SASH1: variants seen among roughly 807,000 people sequenced by gnomAD.
The protein encoded by SASH1 is SAM and SH3 domain containing 1.
SASH1 carries 44 observed loss-of-function variants against 125.2 expected under a neutral mutation model. The observed-to-expected ratio is 0.35, with a 90% CI of 0.28 to 0.45. The LOEUF is 0.45. Ranked by LOEUF, SASH1 falls within the 20% of genes least tolerant of loss-of-function variation. SASH1 has a pLI of 1.00. For synonymous variants in SASH1, 639 were observed against 649.1 expected, an observed-to-expected ratio of 0.98 and a Z score of 0.24; for missense variants, 1,426 against 1,614.5, an observed-to-expected ratio of 0.88 and a Z score of 2.00.
chr6:148,514,458 TAAAAAAAAAAA>T lies in SASH1; in HGVS notation c.862+20_862+30del, dbSNP rs10710533. ...AAATGAAAAAACCCAGCACTGAAGG[TAAAAAAAAAAA>T]AAAAAAAAAAAAAAAAAGGCAGACT... On this transcript the variant is annotated splice_donor_5th_base_variant and intron_variant, in intron 9 of 19. Coordinates refer to ENST00000367467, the MANE Select transcript of SASH1 (RefSeq NM_015278.5). 1.8e-3 allele frequency: 1,046 copies of T among 572,958 alleles called. 2 individuals are homozygous for T. Among genetic ancestry groups the T allele is most frequent in the South Asian group, 2.9e-3 (66 of 22,498 alleles). 35.5% of individuals were successfully genotyped at this position (572,958 alleles called of 1,614,324 possible).
chr6:148,497,154 A>G (rs1241417655), intron 8 of SASH1, among the ~76,000 whole-genome samples: 7 of 152,226 alleles, frequency 4.6e-5, no homozygotes, highest in African/African-American at 1.4e-4. Context: ...TCTACAGCTT[A>G]GGGTGAGACT....
chr6:148,332,213 T>C lies in SASH1; in HGVS notation n.75-57921T>C, dbSNP rs147596232. Among the ~76,000 whole-genome samples, 735 of 151,528 alleles carry C rather than the reference T, an allele frequency of 4.9e-3. 5 individuals are homozygous for C. Among genetic ancestry groups the C allele is most frequent in the African/African-American group, 0.017 (706 of 41,296 alleles). ...CATTTGTGGGGGAAAAAAAAAATGG[T>C]GTGGATTTGTGATGGGGAAAATGTT... On this transcript the variant is annotated intron_variant and non_coding_transcript_variant, in intron 1 of 3. Transcript: ENST00000367469.
the SASH1 span, among the ~76,000 whole-genome samples, chr6:148,208,272 C>A: frequency 6.6e-6 from 1 of 152,190 alleles, no homozygotes; most frequent in Non-Finnish European, 1.5e-5. Context: ...CAGTGCGATG[C>A]TAAGGGAAGT....
chr6:148,334,427 CAAAAAAA>C (rs1162225428), intron 1 of SASH1, among the ~76,000 whole-genome samples: 3 of 63,684 alleles, frequency 4.7e-5, no homozygotes, highest in African/African-American at 1.3e-4. Flanking sequence ...GACTCCGTCT[CAAAAAAA>C]AAAAAAAAAA....
At chr6:148,372,935 C>G (rs982139100) in intron 1 of SASH1, among the ~76,000 whole-genome samples, 5 of 152,156 alleles carry the variant, frequency 3.3e-5, no homozygotes, top group African/African-American at 1.2e-4. Flanking sequence ...TGGCTCACTC[C>G]TGTAATCCCA....
At chr6:148,349,847 T>C (rs1262115381) in intron 1 of SASH1, among the ~76,000 whole-genome samples, 2 of 139,710 alleles carry the variant, frequency 1.4e-5, no homozygotes, top group Non-Finnish European at 3.0e-5. Context: ...ATTTTCTTTT[T>C]TTCTTTTTTT....
At chr6:148,547,515 G>A (rs1263400769) in intron 19 of SASH1, among the ~76,000 whole-genome samples, 1 of 152,188 alleles carries the variant, frequency 6.6e-6, no homozygotes, top group African/African-American at 2.4e-5. Flanking sequence ...AAGTATTCTA[G>A]TAGGTCAGTG....
At chr6:148,253,154 A>G in the SASH1 span, among the ~76,000 whole-genome samples, 1 of 152,238 alleles carries the variant, frequency 6.6e-6, no homozygotes, top group Non-Finnish European at 1.5e-5. Flanking sequence ...GAGCAAAGCT[A>G]GAGGACTTTC....
intron 1 of SASH1, among the ~76,000 whole-genome samples, chr6:148,367,076 A>G (rs1782491809): frequency 6.9e-6 from 1 of 144,020 alleles, no homozygotes; most frequent in Non-Finnish European, 1.5e-5. Context: ...GGCGCCTGCC[A>G]CCATACCTGG....
intron 8 of SASH1, among the ~76,000 whole-genome samples, chr6:148,510,457 A>ACTTT (rs1780049590): frequency 6.6e-6 from 1 of 152,178 alleles, no homozygotes; most frequent in East Asian, 1.9e-4. Context: ...ATGTGTGTGA[A>ACTTT]TATATACTTT....
rs377291498 is a variant in SASH1 at position 148,417,522 on chromosome 6, T to C, written c.286-22662T>C. ...ATCGCTTGAACCTAGGAGGCAGAGG[T>C]TGCAGTGAGCCAAGATTGTGCCACT... On this transcript the variant is annotated intron_variant, in intron 2 of 19. Transcript: ENST00000367467. 7.2e-5 allele frequency among the ~76,000 whole-genome samples: 11 copies of C among 151,986 alleles called. No homozygotes were observed. The East Asian group carries it at 1.9e-3, about 27-fold the overall frequency.
intron 1 of SASH1, among the ~76,000 whole-genome samples, chr6:148,280,688 G>A (rs1779314430): frequency 6.6e-6 from 1 of 152,080 alleles, no homozygotes; most frequent in East Asian, 1.9e-4. Flanking sequence ...CATGCCTATA[G>A]TCCCAGCTAC....
chr6:148,431,596 G>T (rs752797244), intron 2 of SASH1, among the ~76,000 whole-genome samples: 1 of 151,954 alleles, frequency 6.6e-6, no homozygotes, highest in Non-Finnish European at 1.5e-5. Context: ...TCCTGGCAAG[G>T]GTGAGAATGT....
intron 2 of SASH1, among the ~76,000 whole-genome samples, chr6:148,433,401 T>G (rs1469912816): frequency 1.5e-5 from 2 of 133,954 alleles, no homozygotes; most frequent in Non-Finnish European, 3.0e-5. Context: ...TTTTGTTTCT[T>G]TTTTCTTTTT....
chr6:148,445,975 A>T lies in SASH1; in HGVS notation c.386+5568A>T, dbSNP rs1205136065. Among the ~76,000 whole-genome samples, 4 of 152,134 alleles carry T rather than the reference A, an allele frequency of 2.6e-5. No homozygotes were observed. The East Asian group carries it at 7.7e-4, about 29-fold the overall frequency. On this transcript the variant is annotated intron_variant, in intron 4 of 19. Transcript: ENST00000367467. Reference sequence around the variant, plus strand: ...TAAAGTCATGGTATGGAGAAAAATAAAGCAAAGAAAGGGGACCCAGAATTG... The same window carrying T: ...TAAAGTCATGGTATGGAGAAAAATATAGCAAAGAAAGGGGACCCAGAATTG...
At chr6:148,445,034 A>G (rs1456758730) in intron 4 of SASH1, among the ~76,000 whole-genome samples, 1 of 152,180 alleles carries the variant, frequency 6.6e-6, no homozygotes, top group Non-Finnish European at 1.5e-5. Context: ...GTAAACTGTC[A>G]TGGTGCTGCT....
chr6:148,331,078 C>T (rs931139285), intron 1 of SASH1, among the ~76,000 whole-genome samples: 2 of 152,098 alleles, frequency 1.3e-5, no homozygotes, highest in African/African-American at 4.8e-5. Flanking sequence ...GAGTTGAAGT[C>T]TCTTGGTTCC....
At chr6:148,449,289 T>C (rs1776974810) in intron 4 of SASH1, among the ~76,000 whole-genome samples, 2 of 151,560 alleles carry the variant, frequency 1.3e-5, no homozygotes, top group Admixed American at 1.3e-4. Flanking sequence ...AGGCTTGTTA[T>C]GAACTCCTGA....
intron 1 of SASH1, among the ~76,000 whole-genome samples, chr6:148,360,760 A>C (rs1007862083): frequency 6.6e-6 from 1 of 152,154 alleles, no homozygotes; most frequent in Non-Finnish European, 1.5e-5. Context: ...AGCATGGACT[A>C]TGTGTTAAAC....
Sources: gnomAD v4.1 joint callset for allele counts (sites outside exome capture counted in the v4.1 genomes callset) on GRCh38, gnomAD v4.1.1 for gene constraint, MANE v1.5 for transcripts, NCBI Gene and HGNC (gene_info 2026-07-23, HGNC 2026-07-21) for gene names.